Variants in MBNL1 observed in about 807,000 individuals in gnomAD.
The protein encoded by MBNL1 is muscleblind like splicing regulator 1.
In MBNL1, 8 loss-of-function variants were observed where a neutral mutation model predicts 42.2. The ratio of observed to expected loss-of-function variants is 0.19; its 90% CI spans 0.11 to 0.34. MBNL1 has a LOEUF of 0.34. Among genes scored for constraint, MBNL1 ranks in the 10% least tolerant of loss-of-function variants. MBNL1 has a pLI of 1.00. For synonymous variants in MBNL1, 169 were observed against 173.9 expected (o/e 0.97, Z 0.22); for missense variants, 309 against 495.3 (o/e 0.62, Z 3.57).
In MBNL1 at chr3:152,462,958, C is replaced by A. The variant is rs568686152; in HGVS notation, c.*592C>A. On this transcript the variant is annotated 3_prime_UTR_variant, in exon 10 of 10. Coordinates refer to ENST00000324210, the MANE Select transcript of MBNL1 (RefSeq NM_021038.5). ...ATCTGACAGAGATGAATGTGCCAAG[C>A]AAAACCACAACTGTGTATATTTTAA... is the stretch of plus-strand genomic sequence containing the variant. 1 of 152,520 alleles carries A rather than the reference C, an allele frequency of 6.6e-6. No homozygotes were observed. Among genetic ancestry groups the A allele is most frequent in the South Asian group, 2.1e-4 (1 of 4,816 alleles). The allele number at this position is 152,520 out of a possible 1,614,324, so 9.4% of individuals were successfully genotyped here. A position where few individuals can be genotyped will look rare whatever the true frequency, so the allele number is the denominator to read the frequency against.
At chr3:152,294,465 T>A (rs2057660261) in intron 1 of MBNL1, among the ~76,000 whole-genome samples, 1 of 151,922 alleles carries the variant, frequency 6.6e-6, no homozygotes, top group Admixed American at 6.6e-5. Flanking sequence ...TTGTATTTTT[T>A]AGTAGAGATG....
chr3:152,305,381 A>G (rs1031729013), intron 2 of MBNL1, among the ~76,000 whole-genome samples: 7 of 152,146 alleles, frequency 4.6e-5, no homozygotes, highest in South Asian at 2.1e-4. Flanking sequence ...TCAGCTATCA[A>G]CATTGCTAAT....
chr3:152,260,603 A>G (rs1264795172), intron 2 of MBNL1, among the ~76,000 whole-genome samples: 1 of 152,242 alleles, frequency 6.6e-6, no homozygotes, highest in Non-Finnish European at 1.5e-5. Context: ...GACACACTTT[A>G]TCTCTCAGAG....
chr3:152,437,232 A>G (rs1463561228), intron 4 of MBNL1, among the ~76,000 whole-genome samples: 7 of 152,184 alleles, frequency 4.6e-5, no homozygotes, highest in East Asian at 1.9e-4. Flanking sequence ...CAGTTAAACT[A>G]TTGGCCAGTT....
At chr3:152,397,485 G>T (rs1046425519) in intron 2 of MBNL1, among the ~76,000 whole-genome samples, 2 of 152,100 alleles carry the variant, frequency 1.3e-5, no homozygotes, top group Non-Finnish European at 2.9e-5. Context: ...GTGTTAGTTT[G>T]CTGAGAATGA....
At chr3:152,403,017 G>GT (rs2098293813) in intron 2 of MBNL1, among the ~76,000 whole-genome samples, 1 of 152,098 alleles carries the variant, frequency 6.6e-6, no homozygotes, top group Admixed American at 6.6e-5. Context: ...AAAGCCACCT[G>GT]TTTTCAGCAC....
intron 2 of MBNL1, among the ~76,000 whole-genome samples, chr3:152,390,615 A>G (rs560230067): frequency 2.1e-3 from 262 of 123,306 alleles, no homozygotes; most frequent in Admixed American, 2.3e-3. Context: ...ATTGTTATGC[A>G]CACACACACA....
chr3:152,352,832 GCTCA>G (rs1304355524), intron 2 of MBNL1, among the ~76,000 whole-genome samples: 3 of 152,196 alleles, frequency 2.0e-5, no homozygotes, highest in Admixed American at 2.0e-4. Flanking sequence ...TTGTGTCAGT[GCTCA>G]CTTAGTGTTG....
chr3:152,398,324 T>C (rs933770364), intron 2 of MBNL1, among the ~76,000 whole-genome samples: 3 of 152,142 alleles, frequency 2.0e-5, no homozygotes, highest in African/African-American at 4.8e-5. Flanking sequence ...GCATGTAATA[T>C]ATTAGTATAG....
At chr3:152,351,184 T>C (rs1312274788) in intron 2 of MBNL1, among the ~76,000 whole-genome samples, 1 of 152,126 alleles carries the variant, frequency 6.6e-6, no homozygotes, top group East Asian at 1.9e-4. Flanking sequence ...GTAACTATAA[T>C]TCATTGTAAT....
intron 2 of MBNL1, among the ~76,000 whole-genome samples, chr3:152,321,615 A>G (rs1008315075): frequency 2.0e-5 from 3 of 151,942 alleles, no homozygotes; most frequent in East Asian, 1.9e-4. Flanking sequence ...TTCTACATTC[A>G]TTTTATTCGT....
At chr3:152,305,970 C>T (rs2062909371) in intron 2 of MBNL1, among the ~76,000 whole-genome samples, 1 of 152,158 alleles carries the variant, frequency 6.6e-6, no homozygotes, top group African/African-American at 2.4e-5. Flanking sequence ...ACTTTCTATG[C>T]TATGAGCTTG....
chr3:152,433,087 T>C (rs2099027461), intron 4 of MBNL1, among the ~76,000 whole-genome samples, 167 bp downstream of exon 4: 1 of 152,214 alleles, frequency 6.6e-6, no homozygotes, highest in African/African-American at 2.4e-5. Context: ...CTGTATTTGA[T>C]TAATGTAACG....
chr3:152,311,919 G>A (rs1040456580), intron 2 of MBNL1, among the ~76,000 whole-genome samples: 11 of 151,824 alleles, frequency 7.2e-5, no homozygotes, highest in Admixed American at 6.6e-5. Context: ...GGATGGGCGC[G>A]GTGGCTCACG....
At chr3:152,348,042 CAGGATGAGTCAT>C (rs2094499186) in intron 2 of MBNL1, among the ~76,000 whole-genome samples, 1 of 151,842 alleles carries the variant, frequency 6.6e-6, no homozygotes, top group Non-Finnish European at 1.5e-5. Flanking sequence ...ACTTTTCCTC[CAGGATGAGTCAT>C]AGATTTTAAA....
chr3:152,315,938 A>G (rs2070933013), intron 2 of MBNL1, among the ~76,000 whole-genome samples: 2 of 151,960 alleles, frequency 1.3e-5, no homozygotes, highest in Non-Finnish European at 2.9e-5. Context: ...CACACGTCTT[A>G]TGGAAATATT....
chr3:152,312,326 T>C (rs370679712), intron 2 of MBNL1, among the ~76,000 whole-genome samples: 2 of 152,356 alleles, frequency 1.3e-5, no homozygotes, highest in East Asian at 1.9e-4. Flanking sequence ...ACAGAAACTT[T>C]CGATACCAAT....
At chr3:152,295,932 A>G (rs2058371480) in intron 1 of MBNL1, among the ~76,000 whole-genome samples, 1 of 152,196 alleles carries the variant, frequency 6.6e-6, no homozygotes, top group South Asian at 2.1e-4. Context: ...GTTAAAAGGG[A>G]AAGGTTCAAG....
At chr3:152,447,196 G>C (rs1017786253) in intron 5 of MBNL1, among the ~76,000 whole-genome samples, 1 of 152,100 alleles carries the variant, frequency 6.6e-6, no homozygotes, top group African/African-American at 2.4e-5. Flanking sequence ...GAGGAGCAGA[G>C]TGGGTTAGTT....
Sources: allele counts gnomAD v4.1 joint callset (sites outside exome capture counted in the v4.1 genomes callset), GRCh38; gene constraint gnomAD v4.1.1; transcripts MANE v1.5; gene names NCBI Gene and HGNC (gene_info 2026-07-23, HGNC 2026-07-21).